POF1B: variants seen among roughly 807,000 people sequenced by gnomAD.
POF1B encodes the protein protein POF1B.
Under a neutral mutation model 55.3 loss-of-function variants are expected in POF1B, and 53 were observed. The ratio of observed to expected loss-of-function variants is 0.96; its 90% CI spans 0.77 to 1.20. POF1B has a LOEUF of 1.20. Among genes scored for constraint, POF1B ranks in the 50% most tolerant of loss-of-function variants. POF1B has a pLI of 0.00. For missense variants in POF1B, 478 were observed against 420.5 expected, an observed-to-expected ratio of 1.14 and a Z score of -1.20; for synonymous variants, 188 against 148.3, an observed-to-expected ratio of 1.27 and a Z score of -1.95.
chrX:85,367,850 T>C, intron 2 of POF1B, 84 bp from the exon 3 acceptor site: 4 of 597,584 alleles, frequency 6.7e-6, no homozygotes, highest in Non-Finnish European at 1.0e-5. Context: ...TTTATAATAA[T>C]GTGGTTAGTC....
chrX:85,348,611 T>TGCAATAGA (rs1268332846), intron 5 of POF1B, among the ~76,000 whole-genome samples: 1 of 111,516 alleles, frequency 9.0e-6, no homozygotes, highest in Non-Finnish European at 1.9e-5. Flanking sequence ...AGTAGGACAA[T>TGCAATAGA]GCAATTGCAG....
At chrX:85,279,858 A>T (rs1204096005) in intron 16 of POF1B, among the ~76,000 whole-genome samples, 2 of 111,081 alleles carry the variant, frequency 1.8e-5, no homozygotes, top group Admixed American at 9.6e-5. Context: ...ATTCTGTAGA[A>T]ACTTTATTTG....
chrX:85,353,074 C>T (rs1157615590), intron 4 of POF1B, among the ~76,000 whole-genome samples: 3 of 110,836 alleles, frequency 2.7e-5, no homozygotes, highest in African/African-American at 9.8e-5. Context: ...AGAGAAAGAA[C>T]TTATGGGATG....
intron 13 of POF1B, among the ~76,000 whole-genome samples, chrX:85,305,333 A>G (rs1011740976): frequency 4.5e-5 from 5 of 111,091 alleles, no homozygotes; most frequent in Non-Finnish European, 9.5e-5. Flanking sequence ...TTTGATGTCA[A>G]CTATAGGTAC....
intron 15 of POF1B, among the ~76,000 whole-genome samples, chrX:85,295,343 T>C (rs906104252): frequency 8.9e-6 from 1 of 111,975 alleles, no homozygotes; most frequent in African/African-American, 3.2e-5. Flanking sequence ...TTTCTAACTT[T>C]TGTTGTAGGT....
chrX:85,279,730 A>G (rs1931856814), intron 16 of POF1B, among the ~76,000 whole-genome samples: 1 of 111,357 alleles, frequency 9.0e-6, no homozygotes, highest in East Asian at 2.8e-4. Flanking sequence ...ATGGATTTTC[A>G]TCTGTGAATG....
chrX:85,325,801 G>A (rs1157304091), intron 7 of POF1B, among the ~76,000 whole-genome samples: 3 of 111,551 alleles, frequency 2.7e-5, no homozygotes, highest in Admixed American at 9.5e-5. Context: ...AATCTTTGTG[G>A]GCTGATGTTC....
chrX:85,301,604 A>T (rs1932458248), intron 15 of POF1B, among the ~76,000 whole-genome samples: 1 of 111,523 alleles, frequency 9.0e-6, no homozygotes, highest in Admixed American at 9.6e-5. Context: ...AAAGGTAACT[A>T]TACAGGTAAA....
At chrX:85,330,299 T>A (rs1268486407) in intron 7 of POF1B, among the ~76,000 whole-genome samples, 1 of 110,986 alleles carries the variant, frequency 9.0e-6, no homozygotes, top group Non-Finnish European at 1.9e-5. Context: ...TATCTATTGG[T>A]ATATTTTTAA....
At chrX:85,324,744 A>T (rs1288686996) in intron 7 of POF1B, among the ~76,000 whole-genome samples, 1 of 111,193 alleles carries the variant, frequency 9.0e-6, no homozygotes, top group East Asian at 2.9e-4. Context: ...TCATGTTGTT[A>T]GCTGAGTATT....
Position 85,379,241 on chromosome X carries a change from G to A in POF1B, c.214C>T (p.Arg72Trp). 3 of 1,210,666 alleles carry A rather than the reference G, an allele frequency of 2.5e-6. No homozygotes were observed. Among genetic ancestry groups the A allele is most frequent in the Non-Finnish European group, 3.4e-6 (3 of 895,022 alleles). Residue 72 changes from arginine to tryptophan, a missense_variant, in exon 2 of 17, where the codon CGG becomes TGG. Arg to Trp is a moderately radical substitution (Grantham distance 101). Transcript: ENST00000262753. Reference sequence around the variant, plus strand: ...GTTTTGAGAGGGGAGAGCACTTCCCGTGAGTTGAAGGGGTCCAAGGCCTGC... The same window carrying A: ...GTTTTGAGAGGGGAGAGCACTTCCCATGAGTTGAAGGGGTCCAAGGCCTGC... ...VVQALDPFNS[R>W]EVLSPLKTTS...
intron 15 of POF1B, among the ~76,000 whole-genome samples, chrX:85,291,839 T>A: frequency 9.0e-6 from 1 of 111,548 alleles, no homozygotes; most frequent in Non-Finnish European, 1.9e-5. Context: ...TGTGGAGTTT[T>A]CTAGATATAG....
Position 85,289,451 on chromosome X carries a change from A to C in POF1B, c.1650-7134T>G, listed in dbSNP as rs138481859. Among the ~76,000 whole-genome samples the C allele has an allele frequency of 9.9e-3, 1,100 of 111,610 alleles. 13 individuals are homozygous for C. The highest frequency in any genetic ancestry group is 0.017 in the South Asian group (46 of 2,629). On this transcript the variant is annotated intron_variant, in intron 15 of 16. Transcript: ENST00000262753. ...CAATCACGGAGGGAGTTTCCAATAC[A>C]CTAGTCTCTGGCTGAATGTGGGTCA...
intron 7 of POF1B, among the ~76,000 whole-genome samples, chrX:85,328,121 T>C (rs933947558): frequency 1.8e-5 from 2 of 110,924 alleles, no homozygotes; most frequent in Admixed American, 9.6e-5. Flanking sequence ...TAGAATTACA[T>C]TGGGCAGAAA....
chrX:85,303,158 TA>T (rs1261081578), intron 15 of POF1B, among the ~76,000 whole-genome samples: 1 of 111,542 alleles, frequency 9.0e-6, no homozygotes, highest in African/African-American at 3.2e-5. Context: ...TGTGGTTGGT[TA>T]AAAAAACAAT....
chrX:85,312,366 G>A (rs1369624564), intron 9 of POF1B, among the ~76,000 whole-genome samples: 1 of 111,823 alleles, frequency 8.9e-6, no homozygotes. Context: ...GTGTAAGGAA[G>A]GGGTCCAGTT....
chrX:85,293,479 G>A (rs1410412356), intron 15 of POF1B, among the ~76,000 whole-genome samples: 2 of 111,597 alleles, frequency 1.8e-5, no homozygotes, highest in African/African-American at 6.5e-5. Context: ...GAGAACACAT[G>A]GACATGTAGA....
chrX:85,298,229 A>C (rs1308568974), intron 15 of POF1B, among the ~76,000 whole-genome samples: 1 of 112,456 alleles, frequency 8.9e-6, no homozygotes, highest in Non-Finnish European at 1.9e-5. Context: ...AGATGTGTCC[A>C]GAGAGCCTTG....
intron 15 of POF1B, among the ~76,000 whole-genome samples, chrX:85,292,550 G>A (rs1024545515): frequency 1.8e-5 from 2 of 111,722 alleles, no homozygotes; most frequent in Admixed American, 9.5e-5. Flanking sequence ...ATTCAGCTGC[G>A]AATCTGCCTA....
Sources: allele counts gnomAD v4.1 joint callset (sites outside exome capture counted in the v4.1 genomes callset), GRCh38; gene constraint gnomAD v4.1.1; transcripts MANE v1.5; gene names NCBI Gene and HGNC (gene_info 2026-07-23, HGNC 2026-07-21).